Variants in BDNF observed in about 807,000 individuals in gnomAD.
BDNF encodes brain derived neurotrophic factor, also known as neurotrophic factor BDNF precursor form.
BDNF carries 1 observed loss-of-function variant against 19.5 expected under a neutral mutation model. The ratio of observed to expected loss-of-function variants is 0.05; its 90% CI spans 0.02 to 0.24. The LOEUF is 0.24. BDNF is among the 10% of genes least tolerant of loss of function. The pLI is 1.00. For missense variants in BDNF, 195 were observed against 317.6 expected, an observed-to-expected ratio of 0.61 and a Z score of 2.93; for synonymous variants, 100 against 121.6, an observed-to-expected ratio of 0.82 and a Z score of 1.17.
rs201583271 is a variant in BDNF at position 27,661,538 on chromosome 11, G to A, written c.-21-2953C>T. ...CACCACCTCATTTTGTGACCACAAC[G>A]TCCCGATGCTGTATCAGACACTCTT... On this transcript the variant is annotated intron_variant, in intron 1 of 1. Transcript: ENST00000356660. Among the ~76,000 whole-genome samples the A allele has an allele frequency of 4.4e-4, 67 of 152,034 alleles. 1 individual carries two copies. Among genetic ancestry groups the A allele is most frequent in the East Asian group, 9.7e-4 (5 of 5,170 alleles).
rs1054408616 is a variant in BDNF, at chr11:27,656,960, G to A, written c.*861C>T. The A allele has an allele frequency of 4.7e-5, 46 of 985,148 alleles. No homozygotes were observed. Among genetic ancestry groups the A allele is most frequent in the Non-Finnish European group, 5.5e-5 (46 of 829,942 alleles). The allele number at this position is 985,148 out of a possible 1,614,324, so 61.0% of individuals were successfully genotyped here. On this transcript the variant is annotated 3_prime_UTR_variant, in exon 2 of 2. Transcript: ENST00000356660. ...ACAAAGAGGAGACCAGAGGGGGAGG[G>A]GGGGAAAGAATGTGTTCTGAGCAAA...
upstream of BDNF, among the ~76,000 whole-genome samples, chr11:27,705,251 G>A (rs898925247): frequency 2.6e-5 from 4 of 152,198 alleles, no homozygotes; most frequent in Non-Finnish European, 5.9e-5. Context: ...ATAAGTTAGA[G>A]CTGACAGTAA....
intron 1 of BDNF, among the ~76,000 whole-genome samples, chr11:27,692,894 G>A (rs566044374): frequency 1.3e-5 from 2 of 152,220 alleles, no homozygotes; most frequent in Admixed American, 6.5e-5. Flanking sequence ...TAATCTCCCA[G>A]CCACAGTAGG....
rs1554947311 is a variant in BDNF, at chr11:27,699,355, A to G, written c.-22+809T>C. The G allele has an allele frequency of 8.1e-6, 13 of 1,613,416 alleles. No homozygotes were observed. In the South Asian group the frequency reaches 1.4e-4, roughly 18 times the overall value. ...GGCACAGAGCCCCCAATCCTCAGCTATTTCTTTCCAGGAGTAACTCACTCA... is the reference window on the plus strand; with the variant it reads ...GGCACAGAGCCCCCAATCCTCAGCTGTTTCTTTCCAGGAGTAACTCACTCA... On this transcript the variant is annotated intron_variant, in intron 1 of 1. Transcript: ENST00000356660.
At chr11:27,669,226 T>C (rs1854906588) in intron 1 of BDNF, among the ~76,000 whole-genome samples, 2 of 152,166 alleles carry the variant, frequency 1.3e-5, no homozygotes, top group South Asian at 4.1e-4. Context: ...CTAAAAACTC[T>C]AAATAAACTA....
intron 1 of BDNF, among the ~76,000 whole-genome samples, chr11:27,688,684 C>A (rs1857832368): frequency 6.6e-6 from 1 of 152,156 alleles, no homozygotes; most frequent in African/African-American, 2.4e-5. Context: ...ACCCCTTGCG[C>A]TTCCTGAGTG....
intron 1 of BDNF, among the ~76,000 whole-genome samples, chr11:27,676,778 A>G (rs1354534418): frequency 6.6e-6 from 1 of 152,248 alleles, no homozygotes; most frequent in Admixed American, 6.5e-5. Flanking sequence ...GCTTAGCAAG[A>G]CATCCCTGTG....
chr11:27,707,324 G>C (rs971875863), intron 1 of BDNF, among the ~76,000 whole-genome samples: 4 of 152,144 alleles, frequency 2.6e-5, no homozygotes, highest in South Asian at 2.1e-4. Context: ...CAAATCATGG[G>C]ATCAGCAGAA....
At chr11:27,681,227 A>G (rs1441979446) in intron 1 of BDNF, among the ~76,000 whole-genome samples, 2 of 152,202 alleles carry the variant, frequency 1.3e-5, no homozygotes, top group Admixed American at 1.3e-4. Context: ...TGAGGCTTAA[A>G]TCAAACTTGA....
At chr11:27,693,277 C>T (rs1386318054) in intron 1 of BDNF, among the ~76,000 whole-genome samples, 1 of 152,190 alleles carries the variant, frequency 6.6e-6, no homozygotes, top group Non-Finnish European at 1.5e-5. Flanking sequence ...CCTCTTGTCA[C>T]ACCACTGGCT....
chr11:27,694,586 CTTTTTTTTTTTT>C (rs34321446), intron 1 of BDNF, among the ~76,000 whole-genome samples: 1 of 123,586 alleles, frequency 8.1e-6, no homozygotes, highest in Non-Finnish European at 1.7e-5. Context: ...GGTTCCATAA[CTTTTTTTTTTTT>C]TTTTTTTGGT....
At chr11:27,698,120 A>T (rs1314693876) in intron 1 of BDNF, 1 of 150,832 alleles carries the variant, frequency 6.6e-6, no homozygotes, top group Non-Finnish European at 1.5e-5. Flanking sequence ...GAATTCCAGT[A>T]ATGGTGACCA....
intron 1 of BDNF, among the ~76,000 whole-genome samples, chr11:27,696,719 A>G (rs1021191716): frequency 1.3e-5 from 2 of 152,208 alleles, no homozygotes; most frequent in Non-Finnish European, 2.9e-5. Context: ...GTTAGCAATT[A>G]CCCTATAAAA....
intron 1 of BDNF, chr11:27,674,001 G>A (rs923370781): frequency 6.8e-7 from 1 of 1,472,916 alleles, no homozygotes; most frequent in African/African-American, 1.4e-5. Flanking sequence ...CTATTATCAA[G>A]AAATCTTGGG....
intron 1 of BDNF, among the ~76,000 whole-genome samples, chr11:27,707,337 A>G (rs371272078): frequency 3.9e-5 from 6 of 152,328 alleles, no homozygotes; most frequent in African/African-American, 1.4e-4. Flanking sequence ...CAGCAGAAAT[A>G]TTGTTCCCAT....
At chr11:27,687,675 G>A (rs1857667995) in intron 1 of BDNF, among the ~76,000 whole-genome samples, 1 of 152,178 alleles carries the variant, frequency 6.6e-6, no homozygotes, top group Admixed American at 6.5e-5. Flanking sequence ...TCTGCTGCAG[G>A]TCTGCTGGAA....
intron 1 of BDNF, among the ~76,000 whole-genome samples, chr11:27,687,271 T>C (rs1857604086): frequency 6.6e-6 from 1 of 152,230 alleles, no homozygotes; most frequent in Non-Finnish European, 1.5e-5. Flanking sequence ...TCATTTATGT[T>C]CTTCTCTAAA....
At chr11:27,702,256 C>T (rs1859936719), upstream of BDNF, among the ~76,000 whole-genome samples, 1 of 152,204 alleles carries the variant, frequency 6.6e-6, no homozygotes, top group South Asian at 2.1e-4. Context: ...GCATAAAAAT[C>T]ACCTGGGTGA....
intron 1 of BDNF, among the ~76,000 whole-genome samples, chr11:27,714,977 G>A (rs1267916815): frequency 1.3e-5 from 2 of 152,064 alleles, no homozygotes; most frequent in African/African-American, 2.4e-5. Flanking sequence ...CCCTTCTAAG[G>A]ATTGGAGCAA....
Sources: allele counts gnomAD v4.1 joint callset (sites outside exome capture counted in the v4.1 genomes callset), GRCh38; gene constraint gnomAD v4.1.1; transcripts MANE v1.5; gene names NCBI Gene and HGNC (gene_info 2026-07-23, HGNC 2026-07-21).